The following SAXO1 variants were observed in gnomAD, a reference collection of about 807,000 sequenced individuals.
SAXO1 encodes stabilizer of axonemal microtubules 1.
In SAXO1, 21 loss-of-function variants were observed where a neutral mutation model predicts 17.5. That is an observed-to-expected ratio of 1.20 (90% CI 0.85 to 1.72). The LOEUF (loss-of-function observed/expected upper bound fraction) is 1.72. Among genes scored for constraint, SAXO1 ranks in the 40% most tolerant of loss-of-function variants. The pLI is 0.00. For missense variants in SAXO1, 843 were observed against 596.0 expected (o/e 1.41, Z -4.32); for synonymous variants, 274 against 216.5 (o/e 1.27, Z -2.33).
intron 1 of SAXO1, among the ~76,000 whole-genome samples, chr9:18,994,443 T>C (rs1395331370): frequency 6.6e-6 from 1 of 152,210 alleles, no homozygotes; most frequent in East Asian, 1.9e-4. Flanking sequence ...TTAGTTGTTA[T>C]TTATACTACG....
At position 19,004,961 on chromosome 9, in the gene SAXO1, C is replaced by A. The variant is rs1296626605; in HGVS notation, c.38+27910G>T. ...CAGGAAAGAGGTGCAGGGTACAAAA[C>A]CAACACACTAAAATCAGTTGAATTT... On this transcript the variant is annotated intron_variant, in intron 1 of 3. Coordinates refer to ENST00000380534, the MANE Select transcript of SAXO1 (RefSeq NM_153707.4). Among the ~76,000 whole-genome samples, 6 of 152,020 alleles carry A rather than the reference C, an allele frequency of 3.9e-5. No individual in the cohort carries two copies. In the East Asian group the frequency reaches 1.2e-3, roughly 29 times the overall value.
chr9:18,946,279 CAAAAAAAA>C (rs56858815), intron 2 of SAXO1, among the ~76,000 whole-genome samples: 4 of 34,482 alleles, frequency 1.2e-4, no homozygotes, highest in Admixed American at 3.1e-4. Context: ...TTCATCTCAC[CAAAAAAAA>C]AAAAAAAAAA....
chr9:19,042,835 C>A (rs1433130542), intron 1 of SAXO1, among the ~76,000 whole-genome samples: 1 of 150,372 alleles, frequency 6.7e-6, no homozygotes, highest in African/African-American at 2.5e-5. Context: ...GTACTCCAGA[C>A]TGGGCAACAA....
Position 19,033,050 on chromosome 9 carries a change from G to T in SAXO1, c.-142C>A. On this transcript the variant is annotated 5_prime_UTR_variant, in exon 1 of 4. Coordinates refer to ENST00000380534, the MANE Select transcript of SAXO1 (RefSeq NM_153707.4). The stretch of plus-strand genomic sequence containing the variant: ...TGTTTACTCGAAGGAAAATTTAAGT[G>T]GCCCTTTTGCAATGTCCTGTCGTCT... 1.2e-6 allele frequency: 1 copy of T among 832,718 alleles called. No individual in the cohort carries two copies. The highest frequency in any genetic ancestry group is 1.8e-6 in the Non-Finnish European group (1 of 565,744). The allele number at this position is 832,718 out of a possible 1,614,324, so 51.6% of individuals were successfully genotyped here. A position where few individuals can be genotyped will look rare whatever the true frequency, so the allele number is the denominator to read the frequency against.
At chr9:19,010,980 G>A (rs962010932) in intron 1 of SAXO1, among the ~76,000 whole-genome samples, 1 of 152,102 alleles carries the variant, frequency 6.6e-6, no homozygotes, top group African/African-American at 2.4e-5. Flanking sequence ...GGGAACTAAG[G>A]CCCAGAAAGG....
At chr9:18,943,001 C>T (rs2131705648) in intron 2 of SAXO1, among the ~76,000 whole-genome samples, 1 of 152,360 alleles carries the variant, frequency 6.6e-6, no homozygotes, top group East Asian at 1.9e-4. Flanking sequence ...GGCCCAAACA[C>T]CAATAAAACC....
chr9:18,950,115 C>T (rs75486233), intron 2 of SAXO1, among the ~76,000 whole-genome samples: 2,553 of 152,196 alleles, frequency 0.017, 77 homozygotes, highest in African/African-American at 0.058. Flanking sequence ...CTTTTCTGCA[C>T]CCCCTCAGTA....
chr9:18,948,564 T>G (rs78197112), intron 2 of SAXO1, among the ~76,000 whole-genome samples: 2,559 of 152,288 alleles, frequency 0.017, 78 homozygotes, highest in African/African-American at 0.059. Context: ...GTTTATTGTT[T>G]TAAGTGACAC....
At position 18,954,595 on chromosome 9, in the gene SAXO1, G is replaced by A. The variant is rs188584076; in HGVS notation, c.39-3658C>T. Among the ~76,000 whole-genome samples the A allele has an allele frequency of 3.3e-5, 5 of 152,140 alleles. 1 individual carries two copies. The East Asian group carries it at 5.8e-4, about 18-fold the overall frequency. The stretch of plus-strand genomic sequence containing the variant: ...CAAGCAATCCACCTACCTCAGCCAC[G>A]CAAAGTGCTGAGATCACAGGCATGA... On this transcript the variant is annotated intron_variant, in intron 1 of 3. Coordinates refer to ENST00000380534, the MANE Select transcript of SAXO1 (RefSeq NM_153707.4).
intron 1 of SAXO1, among the ~76,000 whole-genome samples, chr9:19,007,117 G>A (rs1003066963): frequency 1.3e-5 from 2 of 151,990 alleles, no homozygotes; most frequent in African/African-American, 4.8e-5. Context: ...GGGAGGCCGA[G>A]GCGGGTGGAT....
intron 1 of SAXO1, among the ~76,000 whole-genome samples, chr9:18,987,525 C>T (rs1833642443): frequency 6.6e-6 from 1 of 152,174 alleles, no homozygotes; most frequent in Non-Finnish European, 1.5e-5. Context: ...AGGTAGTCCA[C>T]CCGCTCAGCC....
chr9:19,032,786 ATGAAGCAGC>A, intron 1 of SAXO1, 76 bp downstream of exon 1: 2 of 1,482,120 alleles, frequency 1.3e-6, no homozygotes, highest in Admixed American at 3.7e-5. Context: ...ATGCCGCCTG[ATGAAGCAGC>A]TGGGGGAGGC....
chr9:18,993,952 C>T (rs1367076389), intron 1 of SAXO1, among the ~76,000 whole-genome samples: 2 of 152,130 alleles, frequency 1.3e-5, no homozygotes, highest in South Asian at 2.1e-4. Flanking sequence ...ACCTGGCTTT[C>T]AAGAGGTTGA....
At chr9:19,012,088 C>T (rs1440911968) in intron 1 of SAXO1, among the ~76,000 whole-genome samples, 2 of 152,110 alleles carry the variant, frequency 1.3e-5, no homozygotes, top group Admixed American at 1.3e-4. Flanking sequence ...TCATGATCCG[C>T]CCACCTTGGC....
Position 18,927,951 on chromosome 9 carries a change from GTTTT to G in SAXO1, c.*97_*100del. 1 of 1,381,224 alleles carries G rather than the reference GTTTT, an allele frequency of 7.2e-7. No individual in the cohort carries two copies. Among genetic ancestry groups the G allele is most frequent in the Non-Finnish European group, 9.7e-7 (1 of 1,030,222 alleles). The allele number at this position is 1,381,224 out of a possible 1,614,324, so 85.6% of individuals were successfully genotyped here. ...AAGTGGTGAAGGTTTTTTGTTTTTTGTTTTTTGTCATTTTAGGGAATTCTTTTTT... is the reference window on the plus strand; with the variant it reads ...AAGTGGTGAAGGTTTTTTGTTTTTTGTTGTCATTTTAGGGAATTCTTTTTT... On this transcript the variant is annotated 3_prime_UTR_variant, in exon 4 of 4. Transcript: ENST00000380534.
chr9:19,022,104 T>C (rs1367556335), intron 1 of SAXO1, among the ~76,000 whole-genome samples: 1 of 152,236 alleles, frequency 6.6e-6, no homozygotes, highest in Non-Finnish European at 1.5e-5. Flanking sequence ...TGTGAGTTTC[T>C]GTGGCTTCAT....
chr9:18,971,988 A>G (rs986732191), intron 1 of SAXO1, among the ~76,000 whole-genome samples: 16 of 152,208 alleles, frequency 1.1e-4, no homozygotes, highest in African/African-American at 3.4e-4. Flanking sequence ...CAAAACAAGA[A>G]GATTTCTAGT....
At chr9:18,957,377 G>A (rs1380973416) in intron 1 of SAXO1, among the ~76,000 whole-genome samples, 1 of 152,210 alleles carries the variant, frequency 6.6e-6, no homozygotes, top group Non-Finnish European at 1.5e-5. Context: ...GTATACAGAT[G>A]TGGATGCTGA....
rs138686166 is a variant in SAXO1, at chr9:18,990,758, G to A, written c.39-39821C>T. ...GTCAGATCAGCAGCATCATAGGAGT[G>A]CAAACCCTATCAGTGAACTGCGCAT... On this transcript the variant is annotated intron_variant, in intron 1 of 3. Coordinates refer to ENST00000380534, the MANE Select transcript of SAXO1 (RefSeq NM_153707.4). Among the ~76,000 whole-genome samples the A allele has an allele frequency of 6.2e-3, 951 of 152,292 alleles. 3 individuals are homozygous for A. The highest frequency in any genetic ancestry group is 0.041 in the Middle Eastern group (12 of 294).
Sources: gnomAD v4.1 joint callset for allele counts (sites outside exome capture counted in the v4.1 genomes callset) on GRCh38, gnomAD v4.1.1 for gene constraint, MANE v1.5 for transcripts, NCBI Gene and HGNC (gene_info 2026-07-23, HGNC 2026-07-21) for gene names.